XRRA1: variants seen among roughly 807,000 people sequenced by gnomAD.
XRRA1 encodes X-ray radiation resistance associated 1, also known as X-ray radiation resistance-associated protein 1.
In XRRA1, 69 loss-of-function variants were observed where a neutral mutation model predicts 80.2. The observed-to-expected ratio is 0.86, with a 90% CI of 0.71 to 1.05. The LOEUF is 1.05. Ranked by LOEUF, XRRA1 falls within the 50% of genes least tolerant of loss-of-function variation. XRRA1 has a pLI of 0.00. For synonymous variants in XRRA1, 348 were observed against 389.9 expected (o/e 0.89, Z 1.27); for missense variants, 967 against 976.4 (o/e 0.99, Z 0.13).
intron 12 of XRRA1, among the ~76,000 whole-genome samples, chr11:74,857,523 G>A (rs868147533): frequency 3.7e-4 from 56 of 152,270 alleles, no homozygotes; most frequent in African/African-American, 1.3e-3. Context: ...TCACAACCAC[G>A]TCTGGAGATT....
intron 10 of XRRA1, among the ~76,000 whole-genome samples, chr11:74,892,649 C>G (rs1469060318): frequency 2.0e-5 from 3 of 152,150 alleles, no homozygotes; most frequent in African/African-American, 7.2e-5. Flanking sequence ...TTTTTGCAAT[C>G]TACTCATCTG....
chr11:74,863,196 AGGT>A, intron 10 of XRRA1, 175 bp from the exon 11 acceptor site: 1 of 683,284 alleles, frequency 1.5e-6, no homozygotes, highest in Non-Finnish European at 2.7e-6. Flanking sequence ...GACATGCATC[AGGT>A]AATAAGTCCC....
intron 16 of XRRA1, among the ~76,000 whole-genome samples, chr11:74,844,548 G>A (rs2037483747): frequency 6.6e-6 from 1 of 152,174 alleles, no homozygotes; most frequent in Admixed American, 6.5e-5. Flanking sequence ...GGGGGAAAAG[G>A]CTGGCTCCAA....
intron 10 of XRRA1, among the ~76,000 whole-genome samples, chr11:74,902,933 C>T (rs1321876133): frequency 6.6e-6 from 1 of 152,030 alleles, no homozygotes; most frequent in Admixed American, 6.6e-5. Flanking sequence ...TATTACATGC[C>T]TATACCAAAA....
At chr11:74,868,861 A>T (rs2044096434) in intron 10 of XRRA1, among the ~76,000 whole-genome samples, 2 of 152,226 alleles carry the variant, frequency 1.3e-5, no homozygotes, top group African/African-American at 4.8e-5. Flanking sequence ...AGTTGCTTTT[A>T]GAGACATATA....
intron 12 of XRRA1, among the ~76,000 whole-genome samples, chr11:74,854,544 G>C (rs541863001): frequency 1.3e-5 from 2 of 152,146 alleles, no homozygotes; most frequent in South Asian, 4.2e-4. Context: ...TTTATTTATG[G>C]ACCCTGAAAT....
chr11:74,875,264 A>T (rs1168857576), intron 10 of XRRA1, among the ~76,000 whole-genome samples: 1 of 152,186 alleles, frequency 6.6e-6, no homozygotes, highest in African/African-American at 2.4e-5. Context: ...AGTCAGCAGC[A>T]AGTCAGCCTC....
At chr11:74,923,914 T>G (rs1224696206) in intron 7 of XRRA1, among the ~76,000 whole-genome samples, 1 of 152,114 alleles carries the variant, frequency 6.6e-6, no homozygotes, top group Non-Finnish European at 1.5e-5. Flanking sequence ...AGGGCAGTGG[T>G]GTGAACATGG....
intron 10 of XRRA1, among the ~76,000 whole-genome samples, chr11:74,891,045 T>G (rs1302441182): frequency 1.3e-5 from 2 of 152,158 alleles, no homozygotes; most frequent in South Asian, 4.1e-4. Flanking sequence ...CCTCCCTAAT[T>G]CATTTTATGA....
chr11:74,843,390 T>C lies in XRRA1; in HGVS notation c.2213A>G (p.Lys738Arg), dbSNP rs2036935182. 2.5e-6 allele frequency: 4 copies of C among 1,612,666 alleles called. No individual in the cohort carries two copies. In the East Asian group the frequency reaches 8.9e-5, roughly 36 times the overall value. ...LVNHKQYLEA[K>R]RLLKEFQARY... ...TGCCTGGAACTCCTTCAACAGCCTC[T>C]TGGCCTCCAGGTACTGCTTGTGGTT... The change falls in exon 19 of 19, where the codon AAG (lysine) becomes AGG (arginine). Residue 738 changes from lysine (K) to arginine (R), a missense_variant. Physicochemically the swap from Lys to Arg is conservative, Grantham distance 26. Coordinates refer to ENST00000684022, the MANE Select transcript of XRRA1 (RefSeq NM_001378157.1).
At chr11:74,946,702 C>G (rs1947600829) in intron 1 of XRRA1, among the ~76,000 whole-genome samples, 1 of 151,932 alleles carries the variant, frequency 6.6e-6, no homozygotes, top group South Asian at 2.1e-4. Flanking sequence ...TCACTACAGG[C>G]TGTGAGTATC....
intron 10 of XRRA1, among the ~76,000 whole-genome samples, chr11:74,880,221 C>G (rs1013041684): frequency 6.6e-6 from 1 of 152,200 alleles, no homozygotes; most frequent in Non-Finnish European, 1.5e-5. Flanking sequence ...GGAATTTATC[C>G]ATTTCTTCTA....
intron 1 of XRRA1, among the ~76,000 whole-genome samples, chr11:74,946,337 T>G (rs1022124782): frequency 6.6e-6 from 1 of 152,174 alleles, no homozygotes; most frequent in Admixed American, 6.5e-5. Context: ...AATCCCCATG[T>G]GTTGAGAGAG....
chr11:74,899,178 A>T (rs1470155650), intron 10 of XRRA1, among the ~76,000 whole-genome samples: 1 of 152,188 alleles, frequency 6.6e-6, no homozygotes, highest in Admixed American at 6.5e-5. Context: ...TCAATGAAGA[A>T]ATTAAGATGG....
At chr11:74,845,297 A>T (rs756454097) in intron 15 of XRRA1, 26 bp from the exon 16 acceptor site, 3 of 1,585,622 alleles carry the variant, frequency 1.9e-6, no homozygotes, top group Non-Finnish European at 2.6e-6. Flanking sequence ...AAACGCATTC[A>T]TTTGTCACTC....
At chr11:74,867,917 C>T (rs201374670) in intron 10 of XRRA1, among the ~76,000 whole-genome samples, 18 of 106,732 alleles carry the variant, frequency 1.7e-4, no homozygotes, top group South Asian at 3.3e-4. Flanking sequence ...TATAGTCAAT[C>T]TTTTTTTTTT....
intron 7 of XRRA1, among the ~76,000 whole-genome samples, chr11:74,922,594 G>A (rs1941171341): frequency 6.6e-6 from 1 of 152,098 alleles, no homozygotes; most frequent in African/African-American, 2.4e-5. Flanking sequence ...ATTGAATGGG[G>A]TCAGTTTCAG....
chr11:74,852,492 T>C (rs946479447), intron 12 of XRRA1, among the ~76,000 whole-genome samples: 10 of 152,226 alleles, frequency 6.6e-5, no homozygotes, highest in East Asian at 1.9e-4. Context: ...AACTTCAGGA[T>C]ACAATTTGAC....
At chr11:74,852,158 T>G in intron 12 of XRRA1, 76 bp from the exon 13 acceptor site, 1 of 1,215,358 alleles carries the variant, frequency 8.2e-7, no homozygotes, top group Non-Finnish European at 1.2e-6. Context: ...GGCCCCTCAC[T>G]GCAGGGCTAC....
Sources: gnomAD v4.1 joint callset for allele counts (sites outside exome capture counted in the v4.1 genomes callset) on GRCh38, gnomAD v4.1.1 for gene constraint, MANE v1.5 for transcripts, NCBI Gene and HGNC (gene_info 2026-07-23, HGNC 2026-07-21) for gene names.